Variants in CCDC171 observed in about 807,000 individuals in gnomAD.
CCDC171 encodes coiled-coil domain-containing protein 171.
Under a neutral mutation model 168.2 loss-of-function variants are expected in CCDC171, and 177 were observed. That is an observed-to-expected ratio of 1.05 (90% CI 0.93 to 1.19). The LOEUF is 1.19. Among genes scored for constraint, CCDC171 ranks in the 50% most tolerant of loss-of-function variants. The probability of loss-of-function intolerance (pLI) is 0.00; values close to 1 mark genes in which losing one functional copy is unlikely to be tolerated. For synonymous variants in CCDC171, 687 were observed against 540.8 expected (o/e 1.27, Z -3.75); for missense variants, 1,991 against 1,539.0 (o/e 1.29, Z -4.91).
chr9:16,068,730 T>C, the CCDC171 span, among the ~76,000 whole-genome samples: 6 of 145,860 alleles, frequency 4.1e-5, no homozygotes. Context: ...AGGATGACGA[T>C]TACATACAAC....
chr9:15,988,210 C>G (rs1832059336), intron 3 of CCDC171, among the ~76,000 whole-genome samples: 1 of 152,206 alleles, frequency 6.6e-6, no homozygotes, highest in African/African-American at 2.4e-5. Context: ...GGCAGGCTTT[C>G]AGTCACCACC....
intron 6 of CCDC171, among the ~76,000 whole-genome samples, chr9:15,597,484 G>A (rs201409233): frequency 1.3e-5 from 2 of 152,006 alleles, no homozygotes; most frequent in Admixed American, 1.3e-4. Context: ...CTTGCATTCC[G>A]GGGATGAAGC....
intron 23 of CCDC171, among the ~76,000 whole-genome samples, chr9:15,866,621 A>G (rs1563901806): frequency 6.6e-6 from 1 of 152,028 alleles, no homozygotes; most frequent in South Asian, 2.1e-4. Context: ...GATCAGCAGG[A>G]TGTGTGAGTC....
intron 7 of CCDC171, among the ~76,000 whole-genome samples, chr9:15,654,575 T>C (rs1364553077): frequency 9.8e-5 from 15 of 152,346 alleles, no homozygotes; most frequent in African/African-American, 2.6e-4. Context: ...TTGTGATCCA[T>C]TACCATCTTT....
chr9:15,922,241 G>A, intron 25 of CCDC171: 1 of 335,390 alleles, frequency 3.0e-6, no homozygotes, highest in Non-Finnish European at 6.7e-6. Flanking sequence ...TCCATGTCTT[G>A]ACAGGATGTG....
At chr9:15,583,523 T>G (rs1332697487) in intron 4 of CCDC171, among the ~76,000 whole-genome samples, 1 of 152,146 alleles carries the variant, frequency 6.6e-6, no homozygotes, top group Non-Finnish European at 1.5e-5. Context: ...GAGGCCATTA[T>G]TCTAAGTGAA....
intron 10 of CCDC171, among the ~76,000 whole-genome samples, chr9:15,680,277 T>C (rs555939809): frequency 1.3e-5 from 2 of 152,338 alleles, no homozygotes; most frequent in African/African-American, 4.8e-5. Flanking sequence ...GACCCCACCA[T>C]GGAGGGTGTA....
At chr9:15,668,103 CTG>C (rs1326063006) in intron 9 of CCDC171, among the ~76,000 whole-genome samples, 5 of 152,104 alleles carry the variant, frequency 3.3e-5, no homozygotes, top group Admixed American at 3.3e-4. Flanking sequence ...ACAAGTAAAA[CTG>C]TAAGAAGTCA....
chr9:15,951,058 C>G (rs1829097420), intron 25 of CCDC171, among the ~76,000 whole-genome samples: 1 of 148,208 alleles, frequency 6.7e-6, no homozygotes, highest in South Asian at 2.3e-4. Flanking sequence ...GGGATCAATT[C>G]AACAAGAAGA....
In CCDC171 at chr9:15,971,614, A is replaced by G. The variant is rs757549918; in HGVS notation, c.3759A>G (p.Gly1253=). 2.5e-6 allele frequency: 4 copies of G among 1,611,020 alleles called. No individual in the cohort carries two copies. The East Asian group carries it at 8.9e-5, about 36-fold the overall frequency. ...TTTTCTTTTGTATGTCACAGATAGG[A>G]TCACGAGACCATTCAAATCTCTCCA... ...LRENASLQSI[G]SRDHSNLSIP... Residue 1253 remains glycine (G), a synonymous_variant, in exon 26 of 26, where the codon GGA becomes GGG. Transcript: ENST00000380701.
intron 1 of CCDC171, among the ~76,000 whole-genome samples, chr9:15,555,389 T>C (rs375226145): frequency 2.6e-5 from 4 of 152,318 alleles, no homozygotes; most frequent in Admixed American, 6.5e-5. Flanking sequence ...GAAGGTGCTA[T>C]CTGGATTGAG....
downstream of CCDC171, among the ~76,000 whole-genome samples, chr9:15,977,047 C>G (rs912018877): frequency 6.6e-6 from 1 of 152,128 alleles, no homozygotes; most frequent in African/African-American, 2.4e-5. Flanking sequence ...CTCCAGTCCT[C>G]CTGGTTAAGT....
chr9:15,991,513 A>C (rs187364010), intron 3 of CCDC171, among the ~76,000 whole-genome samples: 78 of 151,396 alleles, frequency 5.2e-4, no homozygotes, highest in Admixed American at 8.5e-4. Context: ...CATCACAATT[A>C]AAAGAACTAG....
chr9:15,972,670 C>T lies in CCDC171; in HGVS notation c.*834C>T, dbSNP rs1831463303. The T allele has an allele frequency of 6.6e-6, 1 of 152,030 alleles. No individual in the cohort carries two copies. The highest frequency in any genetic ancestry group is 6.6e-5 in the Admixed American group (1 of 15,254). 9.4% of individuals were successfully genotyped at this position (152,030 alleles called of 1,614,324 possible). ...ACTTCAAGGTAATGGCTGTTTTGAC[C>T]TTCAAAATAGACTCCTTTTTTGTTT... On this transcript the variant is annotated 3_prime_UTR_variant, in exon 26 of 26. Transcript: ENST00000380701.
chr9:15,645,959 G>A (rs550886498), intron 7 of CCDC171, among the ~76,000 whole-genome samples: 20 of 152,142 alleles, frequency 1.3e-4, no homozygotes, highest in Non-Finnish European at 2.8e-4. Flanking sequence ...ATTCACCAAA[G>A]TTGAAATGAA....
intron 6 of CCDC171, among the ~76,000 whole-genome samples, chr9:15,609,969 C>A (rs967203752): frequency 6.6e-6 from 1 of 151,964 alleles, no homozygotes; most frequent in Non-Finnish European, 1.5e-5. Flanking sequence ...TATTTTCCAT[C>A]TTTTTATATT....
rs77192554 is a variant in CCDC171 at position 15,789,499 on chromosome 9, G to A, written c.3267+4805G>A. On this transcript the variant is annotated intron_variant, in intron 21 of 25. Transcript: ENST00000380701. ...TCCATTGTTTTAAGCAAAAGCTAAG[G>A]CAAAAGTCTATCTGGAAAAAGGCTT... Among the ~76,000 whole-genome samples, 1,051 of 152,254 alleles carry A rather than the reference G, an allele frequency of 6.9e-3. 9 individuals are homozygous for A. The highest frequency in any genetic ancestry group is 0.024 in the African/African-American group (997 of 41,556).
intron 2 of CCDC171, 129 bp downstream of exon 2, chr9:15,564,258 A>G (rs967244953): frequency 5.4e-5 from 34 of 628,500 alleles, no homozygotes; most frequent in Admixed American, 9.5e-5. Context: ...ATTCTGTGGG[A>G]CTGAAGGAGC....
In CCDC171 at chr9:15,920,393, T is replaced by C; in HGVS notation, c.3724T>C (p.Cys1242Arg). 1.2e-6 allele frequency: 2 copies of C among 1,607,410 alleles called. No homozygotes were observed. The highest frequency in any genetic ancestry group is 1.7e-6 in the Non-Finnish European group (2 of 1,176,016). ...AALKSELHTA[C>R]LRENASLQSI... ...CTTGAAATCAGAACTTCACACAGCT[T>C]GTTTACGTGAAAATGCAAGTTTACA... Residue 1242 changes from cysteine to arginine, a missense_variant, in exon 25 of 26, where the codon TGT becomes CGT. Transcript: ENST00000380701.
Sources: allele counts gnomAD v4.1 joint callset (sites outside exome capture counted in the v4.1 genomes callset), GRCh38; gene constraint gnomAD v4.1.1; transcripts MANE v1.5; gene names NCBI Gene and HGNC (gene_info 2026-07-23, HGNC 2026-07-21).